RREB1: variants seen among roughly 807,000 people sequenced by gnomAD.
The protein encoded by RREB1 is ras responsive element binding protein 1.
RREB1 carries 27 observed loss-of-function variants against 117.8 expected under a neutral mutation model. That is an observed-to-expected ratio of 0.23 (90% CI 0.17 to 0.32). RREB1 has a LOEUF of 0.32. Ranked by LOEUF, RREB1 falls within the 10% of genes least tolerant of loss-of-function variation. RREB1 has a pLI of 1.00. For missense variants in RREB1, 2,577 were observed against 2,378.2 expected (o/e 1.08, Z -1.74); for synonymous variants, 1,298 against 1,026.7 (o/e 1.26, Z -5.05).
At chr6:7,119,676 C>G (rs1291314241) in intron 1 of RREB1, among the ~76,000 whole-genome samples, 1 of 152,132 alleles carries the variant, frequency 6.6e-6, no homozygotes, top group Non-Finnish European at 1.5e-5. Context: ...TAGATAAGGG[C>G]TAGAGCAGGC....
At chr6:7,160,018 C>T (rs140702227) in intron 1 of RREB1, among the ~76,000 whole-genome samples, 8 of 152,186 alleles carry the variant, frequency 5.3e-5, no homozygotes, top group Non-Finnish European at 1.0e-4. Flanking sequence ...AGAAACAATG[C>T]CTACTGTGTG....
rs1768005741 is a variant in RREB1, at chr6:7,231,855, C to G, written c.3756C>G (p.Pro1252=). ...CLQKITCPHC[P]RVFPWASSLQ... is the part of the protein sequence containing the mutation. ...AGAAGATCACCTGTCCCCACTGTCC[C>G]CGGGTTTTCCCTTGGGCCAGCTCCC... The change falls in exon 10 of 13, where the codon CCC becomes CCG. Residue 1252 remains proline (P), a synonymous_variant. Coordinates refer to ENST00000379938, the MANE Select transcript of RREB1 (RefSeq NM_001003699.4). The G allele has an allele frequency of 1.9e-6, 3 of 1,613,378 alleles. No individual in the cohort carries two copies. The highest frequency in any genetic ancestry group is 2.5e-6 in the Non-Finnish European group (3 of 1,179,832).
chr6:7,181,697 G>C, intron 3 of RREB1, 173 bp from the exon 4 acceptor site: 1 of 643,390 alleles, frequency 1.6e-6, no homozygotes, highest in Non-Finnish European at 2.7e-6. Flanking sequence ...CCAAGACTTG[G>C]TTTAAATGAA....
intron 6 of RREB1, among the ~76,000 whole-genome samples, chr6:7,200,396 A>C (rs1276049780): frequency 6.6e-6 from 1 of 151,352 alleles, no homozygotes; most frequent in Non-Finnish European, 1.5e-5. Flanking sequence ...CAGCCTCCCG[A>C]GTAGCTGGGA....
chr6:7,130,323 G>A (rs974159143), intron 1 of RREB1, among the ~76,000 whole-genome samples: 1 of 152,160 alleles, frequency 6.6e-6, no homozygotes, highest in Non-Finnish European at 1.5e-5. Context: ...TGGTAAAGCT[G>A]GAAGCGCCTG....
intron 1 of RREB1, among the ~76,000 whole-genome samples, chr6:7,168,110 C>A (rs576728522): frequency 7.9e-5 from 12 of 152,048 alleles, no homozygotes; most frequent in Non-Finnish European, 1.3e-4. Context: ...ACAAATTTAG[C>A]CGGGTGTGGT....
intron 1 of RREB1, among the ~76,000 whole-genome samples, chr6:7,176,384 C>T (rs1206970881): frequency 1.3e-5 from 2 of 152,186 alleles, no homozygotes; most frequent in African/African-American, 4.8e-5. Flanking sequence ...GAGCCATTCT[C>T]ACATGGTGCT....
At chr6:7,186,496 C>A (rs560050905) in intron 4 of RREB1, among the ~76,000 whole-genome samples, 1 of 152,296 alleles carries the variant, frequency 6.6e-6, no homozygotes, top group South Asian at 2.1e-4. Flanking sequence ...CTCTGAGCAT[C>A]CCAACTCCAA....
chr6:7,221,475 A>G lies in RREB1; in HGVS notation c.708-4992A>G, dbSNP rs184046776. Among the ~76,000 whole-genome samples the G allele has an allele frequency of 2.4e-3, 361 of 152,336 alleles. 1 individual carries two copies. Among genetic ancestry groups the G allele is most frequent in the African/African-American group, 7.6e-3 (314 of 41,584 alleles). ...GCGTGAGCCACCGCGCCCGGCCGCA[A>G]GTGTTTTTCTGTGGGTGTTTCTTCC... On this transcript the variant is annotated intron_variant, in intron 8 of 12. Coordinates refer to ENST00000379938, the MANE Select transcript of RREB1 (RefSeq NM_001003699.4).
intron 11 of RREB1, among the ~76,000 whole-genome samples, chr6:7,243,754 C>T (rs894604980): frequency 4.6e-5 from 7 of 152,066 alleles, no homozygotes; most frequent in African/African-American, 7.2e-5. Flanking sequence ...CCATTATCCG[C>T]GCAAAGGAAG....
chr6:7,249,316 T>C lies in RREB1; in HGVS notation c.*348T>C, dbSNP rs989791878. ...CCTCTTCATTTGAGCATTAGCGTTA[T>C]TTTGTATTGGTGTGTGTGAGCTTGT... On this transcript the variant is annotated 3_prime_UTR_variant, in exon 13 of 13. Transcript: ENST00000379938. 1 of 247,108 alleles carries C rather than the reference T, an allele frequency of 4.0e-6. No individual in the cohort carries two copies. Among genetic ancestry groups the C allele is most frequent in the Admixed American group, 5.0e-5 (1 of 19,956 alleles). The allele number at this position is 247,108 out of a possible 1,614,324, so 15.3% of individuals were successfully genotyped here. A position where few individuals can be genotyped will look rare whatever the true frequency, so the allele number is the denominator to read the frequency against.
chr6:7,112,004 G>A (rs1434376275), intron 1 of RREB1, among the ~76,000 whole-genome samples: 1 of 152,188 alleles, frequency 6.6e-6, no homozygotes, highest in African/African-American at 2.4e-5. Flanking sequence ...CTGATAAGGG[G>A]ACAATAGCTT....
intron 8 of RREB1, chr6:7,216,201 A>C (rs993577466): frequency 4.6e-5 from 7 of 152,298 alleles, no homozygotes; most frequent in African/African-American, 1.7e-4. Flanking sequence ...GGCACAAAAC[A>C]AGCTGGTTGG....
At chr6:7,146,623 C>G (rs1289969343) in intron 1 of RREB1, among the ~76,000 whole-genome samples, 1 of 152,150 alleles carries the variant, frequency 6.6e-6, no homozygotes, top group Admixed American at 6.5e-5. Flanking sequence ...TGTCCATTCA[C>G]TCCGTAAACA....
intron 6 of RREB1, among the ~76,000 whole-genome samples, chr6:7,203,265 C>T (rs772495761): frequency 4.6e-5 from 7 of 152,198 alleles, no homozygotes; most frequent in Non-Finnish European, 8.8e-5. Flanking sequence ...AGAATGTCAT[C>T]CCTCAACCCT....
At chr6:7,149,335 T>C (rs1339936163) in intron 1 of RREB1, among the ~76,000 whole-genome samples, 3 of 152,186 alleles carry the variant, frequency 2.0e-5, no homozygotes, top group African/African-American at 7.2e-5. Flanking sequence ...ACCAGAGAAG[T>C]CATAGACATC....
At chr6:7,121,125 G>A (rs570747643) in intron 1 of RREB1, among the ~76,000 whole-genome samples, 55 of 152,184 alleles carry the variant, frequency 3.6e-4, no homozygotes, top group African/African-American at 1.3e-3. Context: ...CGCCTGGCCA[G>A]TTTTTGTATT....
intron 2 of RREB1, among the ~76,000 whole-genome samples, chr6:7,177,134 G>T (rs1262313341): frequency 6.7e-6 from 1 of 148,980 alleles, no homozygotes; most frequent in East Asian, 2.0e-4. Flanking sequence ...CACGAGAATC[G>T]CTTGAACCTG....
chr6:7,210,780 T>A, intron 6 of RREB1, 24 bp from the exon 7 acceptor site: 1 of 1,583,114 alleles, frequency 6.3e-7, no homozygotes. Flanking sequence ...TAGATCACAT[T>A]GTGTGTGTGT....
Sources: gnomAD v4.1 joint callset for allele counts (sites outside exome capture counted in the v4.1 genomes callset) on GRCh38, gnomAD v4.1.1 for gene constraint, MANE v1.5 for transcripts, NCBI Gene and HGNC (gene_info 2026-07-23, HGNC 2026-07-21) for gene names.